NRXN3: variants seen among roughly 807,000 people sequenced by gnomAD.
The protein encoded by NRXN3 is neurexin 3.
A neutral mutation model predicts 137.6 loss-of-function variants in NRXN3; 32 were observed. The ratio of observed to expected loss-of-function variants is 0.23; its 90% confidence interval spans 0.18 to 0.31. The LOEUF (loss-of-function observed/expected upper bound fraction) is 0.31. NRXN3 is among the 10% of genes least tolerant of loss of function. The probability of loss-of-function intolerance (pLI) is 1.00; values close to 1 mark genes in which losing one functional copy is unlikely to be tolerated. For synonymous variants in NRXN3, 798 were observed against 784.5 expected (o/e 1.02, Z -0.29); for missense variants, 1,574 against 2,062.5 (o/e 0.76, Z 4.59).
rs1364290487 is a variant in NRXN3 at position 79,644,717 on chromosome 14, C to T, written c.3445-19061C>T. Among the ~76,000 whole-genome samples, 6 of 135,682 alleles carry T rather than the reference C, an allele frequency of 4.4e-5. 1 individual carries two copies. Among genetic ancestry groups the T allele is most frequent in the East Asian group, 2.0e-4 (1 of 5,104 alleles). The allele number at this position is 135,682 out of a possible 152,430, so 89.0% of individuals were successfully genotyped here. ...AGTGAAAGCTAAAGGAAGAAACAGC[C>T]GTGTACATTTTAAATCAAGTCAATA... On this transcript the variant is annotated intron_variant, in intron 16 of 20. Coordinates refer to ENST00000335750, the MANE Select transcript of NRXN3 (RefSeq NM_001330195.2).
At chr14:79,386,864 TTTAA>T in intron 15 of NRXN3, among the ~76,000 whole-genome samples, 1 of 152,342 alleles carries the variant, frequency 6.6e-6, no homozygotes, top group Admixed American at 6.5e-5. Flanking sequence ...GGATTCCCTA[TTTAA>T]TAAATGGTGC....
intron 16 of NRXN3, among the ~76,000 whole-genome samples, chr14:79,482,839 T>C (rs1224149499): frequency 6.6e-6 from 1 of 152,178 alleles, no homozygotes; most frequent in Non-Finnish European, 1.5e-5. Context: ...CCTAACACTT[T>C]CCTTCCTACC....
At chr14:79,427,770 T>G (rs907128476) in intron 15 of NRXN3, among the ~76,000 whole-genome samples, 1 of 147,734 alleles carries the variant, frequency 6.8e-6, no homozygotes, top group Non-Finnish European at 1.5e-5. Flanking sequence ...AGTTGGAGGT[T>G]GAAGAGAGCT....
intron 9 of NRXN3, among the ~76,000 whole-genome samples, chr14:78,809,298 A>G (rs917447557): frequency 2.1e-5 from 3 of 146,054 alleles, no homozygotes; most frequent in Non-Finnish European, 3.0e-5. Flanking sequence ...AAAACCAAAA[A>G]ATTTTCTCTC....
intron 4 of NRXN3, among the ~76,000 whole-genome samples, chr14:78,411,752 C>G (rs2092842056): frequency 6.6e-6 from 1 of 152,174 alleles, no homozygotes; most frequent in South Asian, 2.1e-4. Flanking sequence ...TGCACCTCCC[C>G]CTATCCAAGC....
intron 15 of NRXN3, among the ~76,000 whole-genome samples, chr14:79,461,882 C>A (rs17758321): frequency 0.03 from 4,544 of 152,182 alleles, 86 homozygotes; most frequent in Non-Finnish European, 0.047. Flanking sequence ...GACCAACATA[C>A]CTTACCATTA....
rs376332105 is a variant in NRXN3 at position 79,006,310 on chromosome 14, T to C, written c.3262+18169T>C. ...AAAGCTATTAGGAGGCTCTTGAAAA[T>C]AGGTGTGGTAAATGGCAAAAAACAA... On this transcript the variant is annotated intron_variant, in intron 15 of 20. Coordinates refer to ENST00000335750, the MANE Select transcript of NRXN3 (RefSeq NM_001330195.2). Among the ~76,000 whole-genome samples the C allele has an allele frequency of 3.3e-5, 5 of 151,764 alleles. No individual in the cohort carries two copies. The East Asian group carries it at 7.8e-4, about 24-fold the overall frequency.
intron 14 of NRXN3, among the ~76,000 whole-genome samples, chr14:78,970,880 C>G (rs902538953): frequency 6.6e-6 from 1 of 152,166 alleles, no homozygotes; most frequent in Non-Finnish European, 1.5e-5. Context: ...AGCCTAATAG[C>G]ACTGCACTCT....
intron 16 of NRXN3, among the ~76,000 whole-genome samples, chr14:79,532,613 T>C: frequency 6.6e-6 from 1 of 152,188 alleles, no homozygotes; most frequent in Non-Finnish European, 1.5e-5. Context: ...AATATCATTT[T>C]CGATGTGTTC....
intron 15 of NRXN3, among the ~76,000 whole-genome samples, chr14:78,997,879 A>G (rs79604351): frequency 6.6e-6 from 1 of 152,318 alleles, no homozygotes; most frequent in East Asian, 1.9e-4. Flanking sequence ...GAGTATATAT[A>G]AATGGAATCA....
At chr14:79,499,117 C>A (rs2096795276) in intron 16 of NRXN3, among the ~76,000 whole-genome samples, 1 of 152,134 alleles carries the variant, frequency 6.6e-6, no homozygotes, top group African/African-American at 2.4e-5. Context: ...TTACCAACCA[C>A]CCCCAATTAA....
intron 15 of NRXN3, among the ~76,000 whole-genome samples, chr14:79,064,702 A>G (rs1022406235): frequency 1.4e-5 from 2 of 139,244 alleles, no homozygotes; most frequent in African/African-American, 2.6e-5. Flanking sequence ...ATAATTACCC[A>G]TATATATTTT....
At chr14:78,228,344 A>G (rs1328905686) in intron 1 of NRXN3, among the ~76,000 whole-genome samples, 2 of 151,936 alleles carry the variant, frequency 1.3e-5, no homozygotes, top group African/African-American at 2.4e-5. Context: ...TTTACTAGAG[A>G]TGGGGTTTCA....
chr14:79,760,572 A>C (rs534528020), intron 19 of NRXN3: 3 of 151,656 alleles, frequency 2.0e-5, no homozygotes, highest in Admixed American at 1.3e-4. Context: ...TAACTAAAAA[A>C]AAAATTTTTC....
intron 17 of NRXN3, among the ~76,000 whole-genome samples, chr14:79,687,581 GT>G: frequency 6.6e-6 from 1 of 152,242 alleles, no homozygotes; most frequent in Non-Finnish European, 1.5e-5. Context: ...AAGAAAATTT[GT>G]TCCTCCTTTA....
intron 2 of NRXN3, among the ~76,000 whole-genome samples, chr14:78,256,989 T>G (rs1184390571): frequency 6.6e-6 from 1 of 152,190 alleles, no homozygotes; most frequent in Non-Finnish European, 1.5e-5. Flanking sequence ...CAGTGGTGTA[T>G]GTGTTGGGCT....
At chr14:79,797,206 T>C (rs2099163708) in intron 19 of NRXN3, among the ~76,000 whole-genome samples, 1 of 152,226 alleles carries the variant, frequency 6.6e-6, no homozygotes, top group Admixed American at 6.5e-5. Flanking sequence ...TCAGACAGAA[T>C]GCAATATCTT....
At chr14:79,843,985 G>C (rs962566331) in intron 20 of NRXN3, among the ~76,000 whole-genome samples, 1 of 152,090 alleles carries the variant, frequency 6.6e-6, no homozygotes, top group African/African-American at 2.4e-5. Flanking sequence ...ACCTATAAGA[G>C]AGAGCATACA....
chr14:79,627,368 A>T (rs1006286553), intron 16 of NRXN3, among the ~76,000 whole-genome samples: 1 of 152,104 alleles, frequency 6.6e-6, no homozygotes, highest in Non-Finnish European at 1.5e-5. Context: ...TTTGCTTCCT[A>T]GTGTACTTCT....
Sources: allele counts gnomAD v4.1 joint callset (sites outside exome capture counted in the v4.1 genomes callset), GRCh38; gene constraint gnomAD v4.1.1; transcripts MANE v1.5; gene names NCBI Gene and HGNC (gene_info 2026-07-23, HGNC 2026-07-21).